PFDN1: variants seen among roughly 807,000 people sequenced by gnomAD.
PFDN1 encodes the protein prefoldin 1.
PFDN1 carries 6 observed loss-of-function variants against 17.3 expected under a neutral mutation model. That is an observed-to-expected ratio of 0.35 (90% confidence interval 0.19 to 0.69). The LOEUF (loss-of-function observed/expected upper bound fraction) is 0.69, where lower values mean the gene tolerates loss of function less well. Ranked by LOEUF, PFDN1 falls within the 30% of genes least tolerant of loss-of-function variation. PFDN1 has a pLI of 0.65. For missense variants in PFDN1, 113 were observed against 146.2 expected (o/e 0.77, Z 1.17); for synonymous variants, 58 against 50.1 (o/e 1.16, Z -0.67).
At chr5:140,252,741 G>C (rs1333315744) in intron 3 of PFDN1, among the ~76,000 whole-genome samples, 1 of 152,148 alleles carries the variant, frequency 6.6e-6, no homozygotes, top group African/African-American at 2.4e-5. Context: ...GTAGAAGGCA[G>C]GGGAAACAAG....
chr5:140,255,889 C>A (rs535613821), intron 3 of PFDN1, among the ~76,000 whole-genome samples: 3 of 152,100 alleles, frequency 2.0e-5, no homozygotes, highest in African/African-American at 7.2e-5. Flanking sequence ...CAGCTGCCTC[C>A]CCTGTCTTCC....
At chr5:140,249,619 G>A (rs1223858369) in intron 3 of PFDN1, among the ~76,000 whole-genome samples, 1 of 152,150 alleles carries the variant, frequency 6.6e-6, no homozygotes, top group Non-Finnish European at 1.5e-5. Context: ...AAAGAGGTTT[G>A]TTTGGCCCAC....
intron 2 of PFDN1, among the ~76,000 whole-genome samples, chr5:140,293,450 A>C (rs1765608631): frequency 6.6e-6 from 1 of 152,070 alleles, no homozygotes; most frequent in Admixed American, 6.6e-5. Context: ...CCCCATAGCA[A>C]GTTTATTTTA....
chr5:140,291,251 C>T (rs1021087686), intron 2 of PFDN1, among the ~76,000 whole-genome samples: 6 of 152,226 alleles, frequency 3.9e-5, no homozygotes, highest in Non-Finnish European at 7.4e-5. Context: ...GAAGCAACTG[C>T]CATAAACCAA....
intron 3 of PFDN1, among the ~76,000 whole-genome samples, chr5:140,270,714 A>G (rs1419485300): frequency 6.6e-6 from 1 of 152,184 alleles, no homozygotes; most frequent in East Asian, 1.9e-4. Flanking sequence ...TAACGGGGTC[A>G]GGAGATCAAG....
chr5:140,247,071 G>GACTC (rs1437078162), intron 3 of PFDN1, among the ~76,000 whole-genome samples: 2 of 152,178 alleles, frequency 1.3e-5, no homozygotes, highest in Admixed American at 6.5e-5. Context: ...GTGCCCACAG[G>GACTC]ACTCAGGGAA....
At chr5:140,278,113 C>T (rs1246644784) in intron 3 of PFDN1, among the ~76,000 whole-genome samples, 2 of 151,766 alleles carry the variant, frequency 1.3e-5, no homozygotes, top group African/African-American at 2.4e-5. Flanking sequence ...GAGGCTGATG[C>T]AGAAGAATCG....
chr5:140,276,904 G>C (rs1167585058), intron 3 of PFDN1, among the ~76,000 whole-genome samples: 1 of 151,464 alleles, frequency 6.6e-6, no homozygotes, highest in African/African-American at 2.4e-5. Flanking sequence ...ATCTTTAAAG[G>C]CCTTCAAGGT....
In PFDN1 at chr5:140,303,086, TA is replaced by T. The variant is rs773187051; in HGVS notation, c.-14del. The T allele has an allele frequency of 6.2e-7, 1 of 1,609,528 alleles. No individual in the cohort carries two copies. The highest frequency in any genetic ancestry group is 1.1e-5 in the South Asian group (1 of 90,994). ...CGGGGGCGGCCATCTTGGTGCACTG[TA>T]AGCGCCTGCGCAGTGGGAGTTGGAC... On this transcript the variant is annotated 5_prime_UTR_variant, in exon 1 of 4. Coordinates refer to ENST00000261813, the MANE Select transcript of PFDN1 (RefSeq NM_002622.5).
Position 140,303,042 on chromosome 5 carries a change from T to C in PFDN1, c.32A>G (p.Lys11Arg). Reference protein sequence around the residue: MAAPVDLELKKAFTELQAKVI... With the variant: MAAPVDLELKRAFTELQAKVI... ...CGCCTGCCAAAGACCCTCTTTTACCTTCTTCAGCTCTAGATCCACGGGGGC... is the reference window on the plus strand; with the variant it reads ...CGCCTGCCAAAGACCCTCTTTTACCCTCTTCAGCTCTAGATCCACGGGGGC... Residue 11 changes from lysine (K) to arginine (R), a missense_variant and splice_region_variant, in exon 1 of 4, where the codon AAG becomes AGG. Transcript: ENST00000261813. The C allele has an allele frequency of 1.9e-6, 3 of 1,610,732 alleles. No individual in the cohort carries two copies. The highest frequency in any genetic ancestry group is 2.5e-6 in the Non-Finnish European group (3 of 1,176,832).
intron 1 of PFDN1, 106 bp downstream of exon 1, chr5:140,302,935 G>A: frequency 3.5e-6 from 3 of 856,122 alleles, no homozygotes; most frequent in South Asian, 1.3e-5. Flanking sequence ...CTAGTCCACT[G>A]GACCCTCCTT....
At chr5:140,251,092 C>T (rs915811606) in intron 3 of PFDN1, among the ~76,000 whole-genome samples, 1 of 151,974 alleles carries the variant, frequency 6.6e-6, no homozygotes, top group African/African-American at 2.4e-5. Context: ...AGTACCACCA[C>T]ACCCAGCTAA....
At chr5:140,273,016 T>C (rs1765232123) in intron 3 of PFDN1, among the ~76,000 whole-genome samples, 1 of 152,102 alleles carries the variant, frequency 6.6e-6, no homozygotes, top group Non-Finnish European at 1.5e-5. Flanking sequence ...TCCCCTGCCC[T>C]CCTTTCTTCA....
At chr5:140,263,245 T>C (rs983185501) in intron 3 of PFDN1, among the ~76,000 whole-genome samples, 2 of 152,226 alleles carry the variant, frequency 1.3e-5, no homozygotes, top group Non-Finnish European at 2.9e-5. Context: ...CTTGTAAGTT[T>C]AACAGACAGA....
At chr5:140,262,681 G>T (rs956085877) in intron 3 of PFDN1, 10 of 365,752 alleles carry the variant, frequency 2.7e-5, no homozygotes, top group African/African-American at 8.3e-5. Context: ...GGAATGAAAA[G>T]ATACGGACCA....
At chr5:140,259,428 T>C (rs891555919) in intron 3 of PFDN1, among the ~76,000 whole-genome samples, 1 of 152,232 alleles carries the variant, frequency 6.6e-6, no homozygotes, top group African/African-American at 2.4e-5. Flanking sequence ...AGTTTCCCAA[T>C]ATACATTACT....
At chr5:140,276,816 A>AAAT (rs935798020) in intron 3 of PFDN1, among the ~76,000 whole-genome samples, 2 of 147,074 alleles carry the variant, frequency 1.4e-5, no homozygotes, top group African/African-American at 5.0e-5. Context: ...GACTGAGAGT[A>AAAT]TTTTTGCATG....
chr5:140,247,860 G>GCGGA (rs2126677011), intron 3 of PFDN1, among the ~76,000 whole-genome samples: 1 of 152,116 alleles, frequency 6.6e-6, no homozygotes, highest in East Asian at 2.0e-4. Context: ...AACCCAGGAG[G>GCGGA]CGGAGGCTGC....
intron 3 of PFDN1, among the ~76,000 whole-genome samples, chr5:140,247,254 A>C (rs1470929469): frequency 1.3e-5 from 2 of 150,982 alleles, no homozygotes; most frequent in African/African-American, 4.9e-5. Flanking sequence ...CTCTAGGTGC[A>C]CTGGGACTAT....
Sources: allele counts gnomAD v4.1 joint callset (sites outside exome capture counted in the v4.1 genomes callset), GRCh38; gene constraint gnomAD v4.1.1; transcripts MANE v1.5; gene names NCBI Gene and HGNC (gene_info 2026-07-23, HGNC 2026-07-21).